ATP11C: variants seen among roughly 807,000 people sequenced by gnomAD.
ATP11C encodes ATPase phospholipid transporting 11C (ATP11C blood group), also known as phospholipid-transporting ATPase IG.
A neutral mutation model predicts 97.4 loss-of-function variants in ATP11C; 36 were observed. That is an observed-to-expected ratio of 0.37 (90% confidence interval 0.28 to 0.49). The LOEUF is 0.49. Ranked by LOEUF, ATP11C falls within the 20% of genes least tolerant of loss-of-function variation. The pLI is 0.98. For synonymous variants in ATP11C, 275 were observed against 290.9 expected, an observed-to-expected ratio of 0.95 and a Z score of 0.56; for missense variants, 730 against 824.6, an observed-to-expected ratio of 0.89 and a Z score of 1.40.
chrX:139,869,235 A>T (rs1404666819), intron 1 of ATP11C, among the ~76,000 whole-genome samples: 1 of 112,398 alleles, frequency 8.9e-6, no homozygotes, highest in Non-Finnish European at 1.9e-5. Flanking sequence ...CCATTGACAG[A>T]TGAATGGATA....
chrX:139,769,164 G>A (rs2082197431), intron 19 of ATP11C, among the ~76,000 whole-genome samples: 1 of 102,728 alleles, frequency 9.7e-6, no homozygotes, highest in Non-Finnish European at 2.0e-5. Flanking sequence ...TATAAGAAAC[G>A]TATGGTATCT....
intron 1 of ATP11C, among the ~76,000 whole-genome samples, chrX:139,868,742 A>G (rs1397599463): frequency 9.1e-6 from 1 of 109,884 alleles, no homozygotes; most frequent in Non-Finnish European, 1.9e-5. Context: ...AAAAAAAAGA[A>G]CAAAAAAGAA....
intron 1 of ATP11C, among the ~76,000 whole-genome samples, chrX:139,895,319 T>C (rs1372293169): frequency 3.6e-5 from 4 of 111,707 alleles, no homozygotes; most frequent in Non-Finnish European, 7.5e-5. Context: ...TCACTCAGTC[T>C]GGAGTGCAGT....
intron 1 of ATP11C, among the ~76,000 whole-genome samples, chrX:139,854,531 TAAAG>T (rs1345785334): frequency 9.0e-6 from 1 of 111,130 alleles, no homozygotes; most frequent in Admixed American, 9.6e-5. Flanking sequence ...ACTGGTTGCT[TAAAG>T]AAAGGGATGT....
intron 5 of ATP11C, among the ~76,000 whole-genome samples, chrX:139,806,499 G>A (rs1219369846): frequency 8.9e-6 from 1 of 111,918 alleles, no homozygotes; most frequent in East Asian, 2.8e-4. Context: ...CAGGACAGAT[G>A]AACTGTTTCA....
intron 1 of ATP11C, among the ~76,000 whole-genome samples, chrX:139,879,606 A>C (rs1297941644): frequency 7.1e-5 from 8 of 112,131 alleles, no homozygotes; most frequent in Non-Finnish European, 1.5e-4. Flanking sequence ...GTGGTATTAG[A>C]TGAGTTAATT....
At chrX:139,754,077 T>C (rs1394276373) in intron 23 of ATP11C, among the ~76,000 whole-genome samples, 1 of 110,789 alleles carries the variant, frequency 9.0e-6, no homozygotes, top group Admixed American at 9.6e-5. Flanking sequence ...CATAGACCAT[T>C]AGCTGGACTA....
At chrX:139,789,166 G>A (rs765521569) in intron 13 of ATP11C, among the ~76,000 whole-genome samples, 161 bp downstream of exon 13, 13 of 108,077 alleles carry the variant, frequency 1.2e-4, no homozygotes, top group East Asian at 5.8e-4. Flanking sequence ...TCATGCCACC[G>A]TACTCCAGCC....
chrX:139,885,131 C>T (rs915828521), intron 1 of ATP11C, among the ~76,000 whole-genome samples: 5 of 110,865 alleles, frequency 4.5e-5, no homozygotes, highest in African/African-American at 1.6e-4. Context: ...ACCTCACTCT[C>T]CCAATTCCTG....
intron 1 of ATP11C, among the ~76,000 whole-genome samples, chrX:139,917,403 T>C (rs1459953337): frequency 9.0e-6 from 1 of 111,491 alleles, no homozygotes; most frequent in Admixed American, 9.6e-5. Context: ...AGGCAACCTA[T>C]GGAATGTGGG....
chrX:139,863,504 G>A (rs982090478), intron 1 of ATP11C, among the ~76,000 whole-genome samples: 2 of 110,715 alleles, frequency 1.8e-5, no homozygotes, highest in Non-Finnish European at 3.8e-5. Context: ...CTGCACTCCA[G>A]CCTGGATGAC....
chrX:139,795,764 T>C, intron 12 of ATP11C, among the ~76,000 whole-genome samples: 1 of 111,572 alleles, frequency 9.0e-6, no homozygotes, highest in Middle Eastern at 4.7e-3. Context: ...TTTTGAGGAG[T>C]ACATGCCCTC....
intron 1 of ATP11C, among the ~76,000 whole-genome samples, chrX:139,847,833 C>T (rs1205378888): frequency 1.8e-5 from 2 of 111,132 alleles, no homozygotes; most frequent in Non-Finnish European, 3.8e-5. Flanking sequence ...TCTTAAAATT[C>T]TTCCCCCTGT....
At position 139,782,718 on chromosome X, in the gene ATP11C, C is replaced by T; in HGVS notation, c.1781G>A (p.Arg594Gln). Residue 594 changes from arginine to glutamine, a missense_variant, in exon 18 of 30, where the codon CGG becomes CAG. Transcript: ENST00000682941. ...HVERNAMDGY[R>Q]TLCVAFKEIA... Reference sequence around the variant, plus strand: ...TTCTTTGAAGGCTACACAGAGTGTCCGATACCCATCCTAGGAGTAAAGTAG... The same window carrying T: ...TTCTTTGAAGGCTACACAGAGTGTCTGATACCCATCCTAGGAGTAAAGTAG... 2.5e-6 allele frequency: 3 copies of T among 1,178,702 alleles called. No homozygotes were observed. The highest frequency in any genetic ancestry group is 1.8e-5 in the African/African-American group (1 of 56,032).
At chrX:139,779,743 A>G (rs779245728) in intron 18 of ATP11C, among the ~76,000 whole-genome samples, 6 of 111,852 alleles carry the variant, frequency 5.4e-5, no homozygotes, top group Admixed American at 1.9e-4. Flanking sequence ...TAGCAGAACT[A>G]AAGTAAATTG....
At chrX:139,860,104 CAAAAAAAAAAAAAA>C (rs1245214221) in intron 1 of ATP11C, among the ~76,000 whole-genome samples, 2 of 20,421 alleles carry the variant, frequency 9.8e-5, no homozygotes, top group Non-Finnish European at 1.5e-4. Context: ...GACTCCGTCT[CAAAAAAAAAAAAAA>C]AAAAAAAAGA....
chrX:139,758,407 A>C (rs1386349278), intron 22 of ATP11C, among the ~76,000 whole-genome samples: 1 of 111,768 alleles, frequency 8.9e-6, no homozygotes, highest in Non-Finnish European at 1.9e-5. Context: ...AAAAGAGTCA[A>C]CTTCTTTTTC....
chrX:139,903,133 AATT>A (rs1396146723), intron 1 of ATP11C, among the ~76,000 whole-genome samples: 20 of 111,900 alleles, frequency 1.8e-4, no homozygotes, highest in African/African-American at 6.5e-4. Flanking sequence ...GGGCTGAAGT[AATT>A]ATTAATGATT....
intron 1 of ATP11C, among the ~76,000 whole-genome samples, chrX:139,855,476 G>A (rs937714855): frequency 1.9e-4 from 21 of 111,202 alleles, no homozygotes; most frequent in Non-Finnish European, 2.8e-4. Context: ...GCTAACCACC[G>A]CTGTTCGTAC....
Sources: allele counts gnomAD v4.1 joint callset (sites outside exome capture counted in the v4.1 genomes callset), GRCh38; gene constraint gnomAD v4.1.1; transcripts MANE v1.5; gene names NCBI Gene and HGNC (gene_info 2026-07-23, HGNC 2026-07-21).